The following MEIS3 variants were observed in gnomAD, a reference collection of about 807,000 sequenced individuals.
MEIS3 encodes the protein Meis homeobox 3.
Under a neutral mutation model 51.4 loss-of-function variants are expected in MEIS3, and 38 were observed. The observed-to-expected ratio is 0.74, with a 90% CI of 0.57 to 0.97. The LOEUF (loss-of-function observed/expected upper bound fraction) is 0.97. MEIS3 is among the 50% of genes least tolerant of loss of function. MEIS3 has a pLI of 0.00. For synonymous variants in MEIS3, 198 were observed against 201.8 expected, an observed-to-expected ratio of 0.98 and a Z score of 0.16; for missense variants, 456 against 502.6, an observed-to-expected ratio of 0.91 and a Z score of 0.89.
At chr19:47,419,850 C>G (rs1241474040), upstream of MEIS3, among the ~76,000 whole-genome samples, 1 of 152,090 alleles carries the variant, frequency 6.6e-6, no homozygotes, top group Non-Finnish European at 1.5e-5. Flanking sequence ...TCTCCGAGCC[C>G]CCTGGACACA....
At chr19:47,412,615 G>T (rs1971191302) in intron 6 of MEIS3, among the ~76,000 whole-genome samples, 1 of 152,106 alleles carries the variant, frequency 6.6e-6, no homozygotes, top group Non-Finnish European at 1.5e-5. Context: ...AGGCTGAAGT[G>T]CAATAGCGCG....
intron 8 of MEIS3, 133 bp downstream of exon 8, chr19:47,408,965 AC>A: frequency 1.0e-6 from 1 of 993,722 alleles, no homozygotes. Flanking sequence ...ACAATTCTCC[AC>A]CTCCATGAGA....
chr19:47,417,537 T>TGG (rs1296423222), intron 1 of MEIS3, 187 bp from the exon 2 acceptor site: 11 of 748,332 alleles, frequency 1.5e-5, no homozygotes, highest in Non-Finnish European at 2.1e-5. Flanking sequence ...GCTGCCTCGG[T>TGG]GGGGAGTGAG....
upstream of MEIS3, among the ~76,000 whole-genome samples, chr19:47,419,996 G>A (rs987174844): frequency 3.9e-5 from 6 of 152,144 alleles, no homozygotes; most frequent in African/African-American, 1.4e-4. Flanking sequence ...GCGGGGGTGG[G>A]CTGTGGATAA....
At chr19:47,413,310 T>C (rs2122528331) in intron 6 of MEIS3, among the ~76,000 whole-genome samples, 1 of 151,888 alleles carries the variant, frequency 6.6e-6, no homozygotes, top group East Asian at 2.0e-4. Flanking sequence ...GGGGAATAGC[T>C]TGAACCCAGG....
intron 7 of MEIS3, 24 bp from the exon 8 acceptor site, chr19:47,409,271 G>C (rs762245672): frequency 6.3e-7 from 1 of 1,599,254 alleles, no homozygotes; most frequent in South Asian, 1.1e-5. Flanking sequence ...GGCATGCTGT[G>C]TGTGTGGGTA....
Position 47,407,111 on chromosome 19 carries a change from A to G in MEIS3, c.962T>C (p.Val321Ala). The G allele has an allele frequency of 6.2e-7, 1 of 1,611,264 alleles. No homozygotes were observed. Among genetic ancestry groups the G allele is most frequent in the Non-Finnish European group, 8.5e-7 (1 of 1,179,084 alleles). ...GTTGGATTGATCGATCATAGGTTGC[A>G]CGATGCGTCTCCGGGCGTTAATGAA... The part of the protein sequence containing the change: ...NWFINARRRI[V>A]QPMIDQSNRT... The change falls in exon 10 of 13, where the codon GTG becomes GCG. Residue 321 changes from valine to alanine, a missense_variant. By Grantham distance (64) the Val-to-Ala change is moderately conservative. Coordinates refer to ENST00000558555, the MANE Select transcript of MEIS3 (RefSeq NM_001301059.2).
upstream of MEIS3, among the ~76,000 whole-genome samples, chr19:47,420,085 G>C (rs771798285): frequency 2.0e-5 from 3 of 152,204 alleles, no homozygotes; most frequent in Non-Finnish European, 2.9e-5. Context: ...GGCGGGCTCT[G>C]CCCCCGTGGC....
At chr19:47,407,714 G>A (rs140288039) in intron 8 of MEIS3, 8,151 of 564,708 alleles carry the variant, frequency 0.014, 83 homozygotes, top group Non-Finnish European at 0.019. Context: ...TGTGGCGTGG[G>A]GGAGGGGCTT....
chr19:47,416,965 T>G lies in MEIS3; in HGVS notation c.186-2A>C. On this transcript the variant is annotated splice_acceptor_variant, in intron 2 of 12. Coordinates refer to ENST00000558555, the MANE Select transcript of MEIS3 (RefSeq NM_001301059.2). LOFTEE classifies it high-confidence loss of function. ...GCCAAGAGGGGGAAGAGCGGGTGTCTGGGGAGGCAGGAAAGGAGAGAGGTT... is the reference window on the plus strand; with the variant it reads ...GCCAAGAGGGGGAAGAGCGGGTGTCGGGGGAGGCAGGAAAGGAGAGAGGTT... The G allele has an allele frequency of 6.3e-7, 1 of 1,575,126 alleles. No homozygotes were observed. Among genetic ancestry groups the G allele is most frequent in the Non-Finnish European group, 8.6e-7 (1 of 1,160,450 alleles).
At chr19:47,416,768 C>T (rs1301480377) in intron 3 of MEIS3, 36 bp downstream of exon 3, 1 of 1,612,774 alleles carries the variant, frequency 6.2e-7, no homozygotes, top group African/African-American at 1.3e-5. Flanking sequence ...CTCGCTGGCT[C>T]TCTGACTCGG....
intron 12 of MEIS3, among the ~76,000 whole-genome samples, chr19:47,404,627 C>T (rs912973758): frequency 2.0e-5 from 3 of 152,140 alleles, no homozygotes; most frequent in African/African-American, 7.2e-5. Context: ...TCCTCCCATT[C>T]TGCTGGTCTC....
rs202205840 is a variant in MEIS3 at position 47,409,223 on chromosome 19, G to A, written c.734C>T (p.Ala245Val). The A allele has an allele frequency of 1.2e-4, 198 of 1,612,970 alleles. No homozygotes were observed. In the Middle Eastern group the frequency reaches 1.5e-3, roughly 12 times the overall value. ...DQGDGLDTSV[A>V]SPSSGGEDED... ...ATCTTCTCCACCAGAACTGGGAGAG[G>A]CCACGCTGGTGTCCAGCCCGTCTCC... The change falls in exon 8 of 13, where the codon GCC (alanine) becomes GTC (valine). Residue 245 changes from alanine to valine, a missense_variant. Ala to Val is a moderately conservative substitution (Grantham distance 64). Transcript: ENST00000558555.
At chr19:47,418,302 G>C (rs1250161497) in intron 1 of MEIS3, 2 of 152,358 alleles carry the variant, frequency 1.3e-5, no homozygotes, top group African/African-American at 2.4e-5. Context: ...CCCTCGCCTG[G>C]CTGGGCACCC....
chr19:47,416,387 C>T (rs764081986), intron 4 of MEIS3: 49 of 448,008 alleles, frequency 1.1e-4, no homozygotes, highest in South Asian at 3.2e-4. Flanking sequence ...ACTTCACAGA[C>T]GGGACACCAA....
Position 47,403,400 on chromosome 19 carries a change from C to T in MEIS3, c.*171G>A, listed in dbSNP as rs976422991. On this transcript the variant is annotated 3_prime_UTR_variant, in exon 13 of 13. Transcript: ENST00000558555. ...AGGCCTTGCCGGTGTCCTTGAGAGC[C>T]CTTGGATGGGCACTCAGGCCCCCAT... 1.3e-5 allele frequency: 6 copies of T among 454,522 alleles called. No individual in the cohort carries two copies. The highest frequency in any genetic ancestry group is 4.7e-5 in the South Asian group (3 of 64,474). The allele number at this position is 454,522 out of a possible 1,614,324, so 28.2% of individuals were successfully genotyped here.
rs367626515 is a variant in MEIS3, at chr19:47,412,051, C to A, written c.598-2504G>T. On this transcript the variant is annotated intron_variant, in intron 6 of 12. Coordinates refer to ENST00000558555, the MANE Select transcript of MEIS3 (RefSeq NM_001301059.2). Reference sequence around the variant, plus strand: ...GATTTCACAGTTTGTCCAGACTGCTCTCGAACTCCTGGGCTCAAGCAATCC... The same window carrying A: ...GATTTCACAGTTTGTCCAGACTGCTATCGAACTCCTGGGCTCAAGCAATCC... Among the ~76,000 whole-genome samples the A allele has an allele frequency of 2.0e-5, 3 of 152,074 alleles. No homozygotes were observed. In the East Asian group the frequency reaches 5.8e-4, roughly 29 times the overall value.
upstream of MEIS3, among the ~76,000 whole-genome samples, chr19:47,420,094 G>T (rs1267614306): frequency 2.0e-5 from 3 of 152,212 alleles, no homozygotes; most frequent in Admixed American, 2.0e-4. Flanking sequence ...TGCCCCCGTG[G>T]CTGTCCTGCG....
chr19:47,408,558 C>G (rs1360372014), intron 8 of MEIS3, among the ~76,000 whole-genome samples: 1 of 152,102 alleles, frequency 6.6e-6, no homozygotes, highest in African/African-American at 2.4e-5. Context: ...GTCTCTGTCC[C>G]TCTGTGACTC....
Sources: allele counts gnomAD v4.1 joint callset (sites outside exome capture counted in the v4.1 genomes callset), GRCh38; gene constraint gnomAD v4.1.1; transcripts MANE v1.5; gene names NCBI Gene and HGNC (gene_info 2026-07-23, HGNC 2026-07-21).